ZNF479: variants seen among roughly 807,000 people sequenced by gnomAD.
ZNF479 encodes the protein zinc finger protein 479, also known as KRAB zinc finger protein KR19.
In ZNF479, 15 loss-of-function variants were observed where a neutral mutation model predicts 14.7. The observed-to-expected ratio is 1.02, with a 90% CI of 0.68 to 1.57. The LOEUF (loss-of-function observed/expected upper bound fraction) is 1.57. Among genes scored for constraint, ZNF479 ranks in the 40% most tolerant of loss-of-function variants. ZNF479 has a pLI of 0.00. For missense variants in ZNF479, 506 were observed against 615.1 expected, an observed-to-expected ratio of 0.82 and a Z score of 1.88; for synonymous variants, 145 against 211.5, an observed-to-expected ratio of 0.69 and a Z score of 2.73.
chr7:57,122,086 C>T (rs1400936815), intron 3 of ZNF479, among the ~76,000 whole-genome samples: 4 of 151,768 alleles, frequency 2.6e-5, no homozygotes, highest in Admixed American at 6.6e-5. Flanking sequence ...CAAAAAGATC[C>T]GCAACACAAA....
At chr7:57,136,025 A>G (rs1445193140), upstream of ZNF479, among the ~76,000 whole-genome samples, 1 of 125,068 alleles carries the variant, frequency 8.0e-6, no homozygotes, top group Non-Finnish European at 1.6e-5. Flanking sequence ...TTCCTTTCCT[A>G]TCTTTTCTGT....
upstream of ZNF479, among the ~76,000 whole-genome samples, chr7:57,137,227 G>A (rs1446232534): frequency 3.3e-5 from 5 of 152,062 alleles, no homozygotes; most frequent in East Asian, 1.9e-4. Context: ...ACTCTGCCTC[G>A]CAAGACCAAG....
chr7:57,132,028 G>A (rs1277332618), intron 1 of ZNF479, among the ~76,000 whole-genome samples: 1 of 152,180 alleles, frequency 6.6e-6, no homozygotes, highest in Non-Finnish European at 1.5e-5. Context: ...GGCGCTGGGA[G>A]TGCAGAGCAA....
At chr7:57,123,079 C>A (rs931228877) in intron 3 of ZNF479, among the ~76,000 whole-genome samples, 1 of 152,022 alleles carries the variant, frequency 6.6e-6, no homozygotes, top group African/African-American at 2.4e-5. Flanking sequence ...CTGGGTAATT[C>A]ATAAAGAAAA....
chr7:57,120,927 A>T lies in ZNF479; in HGVS notation c.488T>A (p.Val163Asp), dbSNP rs541666980. 4.9e-5 allele frequency: 79 copies of T among 1,613,926 alleles called. 2 individuals are homozygous for T. The South Asian group carries it at 7.6e-4, about 15-fold the overall frequency. The change falls in exon 4 of 4, where the codon GTC becomes GAC. Residue 163 changes from valine to aspartate, a missense_variant. Physicochemically the swap from Val to Asp is radical, Grantham distance 152 (BLOSUM62 -3). Transcript: ENST00000319636. ...ATTTGAAAATTTACCAAAGACTTTGACATATTTATGAGTCTGAAATATTTT... is the reference window on the plus strand; with the variant it reads ...ATTTGAAAATTTACCAAAGACTTTGTCATATTTATGAGTCTGAAATATTTT... ...QNKIFQTHKY[V>D]KVFGKFSNSN...
intron 1 of ZNF479, chr7:57,127,639 T>C (rs1001314419): frequency 6.2e-6 from 4 of 646,298 alleles, no homozygotes; most frequent in Middle Eastern, 7.7e-4. Context: ...AAGACAAATA[T>C]AAGCAAAAGT....
At position 57,119,023 on chromosome 7, in the gene ZNF479, T is replaced by C. The variant is rs1182168325; in HGVS notation, c.*817A>G. On this transcript the variant is annotated 3_prime_UTR_variant, in exon 4 of 4. Coordinates refer to ENST00000319636, the MANE Select transcript of ZNF479 (RefSeq NM_001370129.2). Reference sequence around the variant, plus strand: ...CAGAGTTTCTCTCCAGTATAAAATTTTTTAGTGAGTAAGCATGGAGAACCA... The same window carrying C: ...CAGAGTTTCTCTCCAGTATAAAATTCTTTAGTGAGTAAGCATGGAGAACCA... Among the ~76,000 whole-genome samples the C allele has an allele frequency of 6.6e-6, 1 of 152,198 alleles. No individual in the cohort carries two copies. The highest frequency in any genetic ancestry group is 1.5e-5 in the Non-Finnish European group (1 of 68,040).
chr7:57,125,315 A>G (rs1345805871), intron 3 of ZNF479, among the ~76,000 whole-genome samples: 1 of 152,082 alleles, frequency 6.6e-6, no homozygotes, highest in Non-Finnish European at 1.5e-5. Context: ...ATGAGAAAAA[A>G]GATACAGCCA....
chr7:57,120,360 G>A lies in ZNF479; in HGVS notation c.1055C>T (p.Pro352Leu). 2 of 1,613,508 alleles carry A rather than the reference G, an allele frequency of 1.2e-6. No homozygotes were observed. Among genetic ancestry groups the A allele is most frequent in the South Asian group, 1.1e-5 (1 of 91,048 alleles). ...RHKRIHTREK[P>L]YACEECGQAF... The stretch of plus-strand genomic sequence containing the variant: ...TTGGCCACATTCTTCACAGGCATAG[G>A]GTTTCTCTCTAGTATGAATTCTCTT... Residue 352 changes from proline to leucine, a missense_variant, in exon 4 of 4, where the codon CCC becomes CTC. This residue lies in a region of ZNF479 where 420 missense variants were observed against 474.2 expected (regional missense o/e 0.89). Transcript: ENST00000319636.
intron 3 of ZNF479, among the ~76,000 whole-genome samples, chr7:57,121,525 A>G (rs1158973612): frequency 2.0e-5 from 3 of 152,340 alleles, no homozygotes; most frequent in African/African-American, 7.2e-5. Context: ...CTGCAGAAAG[A>G]CTGCAGTATG....
chr7:57,132,510 C>T (rs28780980), upstream of ZNF479, among the ~76,000 whole-genome samples: 7,807 of 152,064 alleles, frequency 0.051, 694 homozygotes, highest in African/African-American at 0.18. Flanking sequence ...GTCCACGGCT[C>T]CTGATTGGAT....
upstream of ZNF479, among the ~76,000 whole-genome samples, chr7:57,137,377 T>C (rs909342009): frequency 6.6e-5 from 10 of 152,068 alleles, no homozygotes; most frequent in Non-Finnish European, 1.3e-4. Flanking sequence ...GTTGGTCAGG[T>C]TGGTCTTGAA....
upstream of ZNF479, among the ~76,000 whole-genome samples, chr7:57,133,707 A>G (rs1246600372): frequency 2.0e-5 from 3 of 152,156 alleles, no homozygotes; most frequent in Non-Finnish European, 4.4e-5. Context: ...CTCTACCAAA[A>G]GTAGAAAAAT....
At chr7:57,130,741 A>G (rs746543792) in intron 1 of ZNF479, among the ~76,000 whole-genome samples, 2 of 152,212 alleles carry the variant, frequency 1.3e-5, no homozygotes, top group Non-Finnish European at 2.9e-5. Flanking sequence ...ACCATTCCCA[A>G]TCCCGCAATT....
upstream of ZNF479, among the ~76,000 whole-genome samples, chr7:57,137,376 G>A (rs78735480): frequency 0.022 from 3,301 of 152,222 alleles, 113 homozygotes; most frequent in East Asian, 0.17. Context: ...TGTTGGTCAG[G>A]TTGGTCTTGA....
Position 57,126,623 on chromosome 7 carries a change from C to G in ZNF479, c.135G>C (p.Met45Ile). ...AGACCAGGTTTCTGTAGTTCTCTAA[C>G]ATCACATCTCTATATAAATTCCGCT... ...CAQRNLYRDV[M>I]LENYRNLVSL... Residue 45 changes from methionine to isoleucine, a missense_variant, in exon 2 of 4, where the codon ATG becomes ATC. Physicochemically the swap from Met to Ile is conservative, Grantham distance 10. Coordinates refer to ENST00000319636, the MANE Select transcript of ZNF479 (RefSeq NM_001370129.2). 2 of 1,614,022 alleles carry G rather than the reference C, an allele frequency of 1.2e-6. No individual in the cohort carries two copies. The highest frequency in any genetic ancestry group is 1.7e-6 in the Non-Finnish European group (2 of 1,179,944).
upstream of ZNF479, among the ~76,000 whole-genome samples, chr7:57,132,638 C>T (rs1241300650): frequency 2.6e-5 from 4 of 152,146 alleles, no homozygotes; most frequent in African/African-American, 4.8e-5. Context: ...GCTTCTTCCT[C>T]GATCGGAGCC....
upstream of ZNF479, among the ~76,000 whole-genome samples, chr7:57,134,765 C>T (rs1280815502): frequency 6.7e-6 from 1 of 149,928 alleles, no homozygotes; most frequent in Non-Finnish European, 1.5e-5. Context: ...ACATCTGCCT[C>T]CTGAGTTCAA....
At chr7:57,138,763 A>C (rs1209088146) in intron 1 of ZNF479, among the ~76,000 whole-genome samples, 1 of 152,216 alleles carries the variant, frequency 6.6e-6, no homozygotes, top group Non-Finnish European at 1.5e-5. Context: ...TGAGGTTGTG[A>C]CTATTGGATG....
Sources: allele counts gnomAD v4.1 joint callset (sites outside exome capture counted in the v4.1 genomes callset), GRCh38; gene constraint gnomAD v4.1.1; regional missense constraint gnomAD v4.1.1; transcripts MANE v1.5; gene names NCBI Gene and HGNC (gene_info 2026-07-23, HGNC 2026-07-21).